Variants in ATRX observed in about 807,000 individuals in gnomAD.
ATRX encodes ATRX chromatin remodeler, also known as chromatin remodeler ATRX.
ATRX carries 12 observed loss-of-function variants against 172.6 expected under a neutral mutation model. The ratio of observed to expected loss-of-function variants is 0.07; its 90% CI spans 0.04 to 0.11. The LOEUF (loss-of-function observed/expected upper bound fraction) is 0.11, where lower values mean the gene tolerates loss of function less well. ATRX is among the 10% of genes least tolerant of loss of function. The pLI, the probability that ATRX is intolerant of heterozygous loss-of-function variation, is 1.00. For missense variants in ATRX, 1,368 were observed against 1,767.4 expected (o/e 0.77, Z 4.05); for synonymous variants, 674 against 594.7 (o/e 1.13, Z -1.94).
In ATRX at chrX:77,618,902, A is replaced by T. The variant is rs2067469998; in HGVS notation, c.5352T>A (p.Ile1784=). ...TAGAATCTGCACACTGACCATTTTG[A>T]ATTGGATTTATAAATCTATTCCTGA... ...KEFRNRFINP[I]QNGQCADSTM... Residue 1784 remains isoleucine (I), a synonymous_variant, in exon 21 of 35, where the codon ATT becomes ATA. Transcript: ENST00000373344. 1 of 1,199,631 alleles carries T rather than the reference A, an allele frequency of 8.3e-7. No individual in the cohort carries two copies. The highest frequency in any genetic ancestry group is 1.1e-6 in the Non-Finnish European group (1 of 884,824).
chrX:77,694,127 AT>A (rs1419527061), intron 5 of ATRX, among the ~76,000 whole-genome samples, 190 bp from the exon 6 acceptor site: 1 of 112,126 alleles, frequency 8.9e-6, no homozygotes, highest in African/African-American at 3.2e-5. Context: ...TCAACAGTTT[AT>A]TTGTTGAAAT....
intron 15 of ATRX, among the ~76,000 whole-genome samples, chrX:77,637,135 G>A (rs2068423321): frequency 9.0e-6 from 1 of 111,531 alleles, no homozygotes; most frequent in Non-Finnish European, 1.9e-5. Context: ...ATGTCAACAT[G>A]ACTACCACTG....
At chrX:77,614,900 C>T (rs1304219884) in intron 22 of ATRX, among the ~76,000 whole-genome samples, 1 of 111,787 alleles carries the variant, frequency 8.9e-6, no homozygotes, top group Non-Finnish European at 1.9e-5. Flanking sequence ...TTCCCAGATT[C>T]GGGTATCTAT....
chrX:77,572,264 C>T (rs1478412687), intron 28 of ATRX, among the ~76,000 whole-genome samples: 2 of 110,811 alleles, frequency 1.8e-5, no homozygotes, highest in African/African-American at 6.5e-5. Flanking sequence ...TTTTTGAGTG[C>T]CAACGTAACA....
intron 2 of ATRX, among the ~76,000 whole-genome samples, chrX:77,703,264 C>T (rs782386286): frequency 8.9e-6 from 1 of 112,761 alleles, no homozygotes; most frequent in Non-Finnish European, 1.9e-5. Context: ...TTGGCCTGGC[C>T]GGCTACACTC....
intron 30 of ATRX, among the ~76,000 whole-genome samples, chrX:77,546,535 C>T (rs1000723163): frequency 2.7e-5 from 3 of 109,989 alleles, no homozygotes; most frequent in Non-Finnish European, 3.8e-5. Context: ...CTCTGTCACC[C>T]AGGCTGGAGT....
intron 9 of ATRX, among the ~76,000 whole-genome samples, chrX:77,681,278 T>C (rs782591757): frequency 1.5e-4 from 17 of 111,760 alleles, no homozygotes; most frequent in Admixed American, 9.5e-5. Flanking sequence ...TAAAGAAATT[T>C]TGTCATTTAC....
intron 30 of ATRX, among the ~76,000 whole-genome samples, chrX:77,544,736 A>G (rs1557052554): frequency 9.0e-6 from 1 of 110,721 alleles, no homozygotes; most frequent in African/African-American, 3.3e-5. Context: ...GTCCCTACAA[A>G]GGACATGAAC....
At position 77,583,242 on chromosome X, in the gene ATRX, G is replaced by A. The variant is rs781814651; in HGVS notation, c.6217+6592C>T. Among the ~76,000 whole-genome samples the A allele has an allele frequency of 9.9e-5, 11 of 111,430 alleles. No individual in the cohort carries two copies. The South Asian group carries it at 4.2e-3, about 42-fold the overall frequency. ...CATGAAAGACAAAACCCATATGATC[G>A]CCGGGGTGTGGTGGCTCACGTCTGT... On this transcript the variant is annotated intron_variant, in intron 27 of 34. Transcript: ENST00000373344.
At chrX:77,518,750 A>C (rs1356800227) in intron 34 of ATRX, among the ~76,000 whole-genome samples, 18 of 111,695 alleles carry the variant, frequency 1.6e-4, no homozygotes, top group African/African-American at 5.8e-4. Flanking sequence ...CTGACTTCAA[A>C]TGATACTACA....
chrX:77,526,056 T>C (rs1016701815), intron 30 of ATRX, among the ~76,000 whole-genome samples: 1 of 111,645 alleles, frequency 9.0e-6, no homozygotes, highest in Non-Finnish European at 1.9e-5. Context: ...TGTGTCATCA[T>C]AGAATTAGTA....
intron 2 of ATRX, among the ~76,000 whole-genome samples, chrX:77,712,680 T>C (rs2073171807): frequency 9.1e-6 from 1 of 109,970 alleles, no homozygotes; most frequent in Non-Finnish European, 1.9e-5. Flanking sequence ...AATACAAAAA[T>C]TAGCTGGGCA....
chrX:77,624,625 A>G (rs1451713758), intron 19 of ATRX, among the ~76,000 whole-genome samples: 1 of 111,454 alleles, frequency 9.0e-6, no homozygotes, highest in Non-Finnish European at 1.9e-5. Context: ...CTTTTACAAT[A>G]GCTGCATAAA....
At chrX:77,760,947 G>A (rs1557192493) in intron 1 of ATRX, among the ~76,000 whole-genome samples, 2 of 111,703 alleles carry the variant, frequency 1.8e-5, no homozygotes, top group African/African-American at 3.2e-5. Flanking sequence ...TATTAAGTTT[G>A]ATAACAGAAG....
At chrX:77,750,218 T>A (rs1208975168) in intron 1 of ATRX, among the ~76,000 whole-genome samples, 14 of 111,770 alleles carry the variant, frequency 1.3e-4, no homozygotes, top group African/African-American at 4.6e-4. Context: ...ATCATAAATA[T>A]GAGTGTACAG....
At chrX:77,617,744 T>C (rs966941291) in intron 21 of ATRX, among the ~76,000 whole-genome samples, 4 of 110,581 alleles carry the variant, frequency 3.6e-5, no homozygotes, top group African/African-American at 1.3e-4. Flanking sequence ...AGAGACAGGG[T>C]CTTACTCTAT....
intron 28 of ATRX, among the ~76,000 whole-genome samples, chrX:77,568,159 GAAAA>G (rs1159858312): frequency 4.4e-5 from 4 of 90,196 alleles, no homozygotes; most frequent in African/African-American, 1.6e-4. Flanking sequence ...ATTAAAATAG[GAAAA>G]AAAAAAAAAG....
intron 2 of ATRX, among the ~76,000 whole-genome samples, chrX:77,706,985 A>G (rs1311871675): frequency 1.8e-5 from 2 of 112,579 alleles, no homozygotes; most frequent in Non-Finnish European, 3.7e-5. Context: ...CCATTGAAAT[A>G]TGAATAGATA....
intron 30 of ATRX, among the ~76,000 whole-genome samples, chrX:77,528,946 A>G (rs1372358813): frequency 8.9e-6 from 1 of 112,445 alleles, no homozygotes; most frequent in African/African-American, 3.2e-5. Flanking sequence ...GATAGCAAGA[A>G]TAGCCAGTTT....
Sources: allele counts gnomAD v4.1 joint callset (sites outside exome capture counted in the v4.1 genomes callset), GRCh38; gene constraint gnomAD v4.1.1; transcripts MANE v1.5; gene names NCBI Gene and HGNC (gene_info 2026-07-23, HGNC 2026-07-21).